Variants in NFASC observed in about 807,000 individuals in gnomAD.
NFASC encodes the protein neurofascin.
Under a neutral mutation model 147.5 loss-of-function variants are expected in NFASC, and 43 were observed. The observed-to-expected ratio is 0.29, with a 90% CI of 0.23 to 0.38. The LOEUF (loss-of-function observed/expected upper bound fraction) is 0.38. Among genes scored for constraint, NFASC ranks in the 10% least tolerant of loss-of-function variants. NFASC has a pLI of 1.00. For missense variants in NFASC, 1,320 were observed against 1,689.0 expected (o/e 0.78, Z 3.83); for synonymous variants, 622 against 665.5 (o/e 0.93, Z 1.01).
intron 20 of NFASC, 60 bp from the exon 21 acceptor site, chr1:204,981,735 AGCT>A (rs1276118409): frequency 1.9e-6 from 2 of 1,072,906 alleles, no homozygotes; most frequent in African/African-American, 3.2e-5. Context: ...AGAGAGGGCA[AGCT>A]GTGGGTGGAT....
intron 1 of NFASC, among the ~76,000 whole-genome samples, chr1:204,859,487 T>A (rs1383608723): frequency 6.6e-6 from 1 of 152,208 alleles, no homozygotes; most frequent in South Asian, 2.1e-4. Context: ...GTAAGCTCCA[T>A]GGCAGGGATT....
chr1:204,976,291 G>A, intron 15 of NFASC, among the ~76,000 whole-genome samples: 1 of 152,198 alleles, frequency 6.6e-6, no homozygotes, highest in East Asian at 1.9e-4. Flanking sequence ...GCTGAAGACA[G>A]ACAAAGCTAC....
At position 204,976,639 on chromosome 1, in the gene NFASC, C is replaced by G. The variant is rs371767541; in HGVS notation, c.1707-32C>G. 5.1e-6 allele frequency: 8 copies of G among 1,560,106 alleles called. No homozygotes were observed. The African/African-American group carries it at 5.4e-5, about 11-fold the overall frequency. On this transcript the variant is annotated intron_variant, in intron 15 of 29. Coordinates refer to ENST00000339876, the MANE Select transcript of NFASC (RefSeq NM_001005388.3). ...GCAGGACTCAGCACTCCCCTACCCC[C>G]TCCTCCCAACCCTTCCTCGGTACCT...
At chr1:204,891,094 G>A (rs1481582608) in intron 1 of NFASC, among the ~76,000 whole-genome samples, 1 of 152,200 alleles carries the variant, frequency 6.6e-6, no homozygotes, top group Admixed American at 6.5e-5. Context: ...AGAATGTAAA[G>A]GTCTCTTCCC....
intron 25 of NFASC, 64 bp from the exon 26 acceptor site, chr1:205,001,106 T>C: frequency 1.1e-6 from 1 of 907,740 alleles, no homozygotes; most frequent in Non-Finnish European, 1.8e-6. Flanking sequence ...TGTATGTGTG[T>C]GTCTCCATAT....
chr1:204,924,911 T>G (rs1205073948), intron 2 of NFASC, among the ~76,000 whole-genome samples: 1 of 152,262 alleles, frequency 6.6e-6, no homozygotes, highest in Non-Finnish European at 1.5e-5. Context: ...AGTTTTGCTC[T>G]GTCACCTAGG....
At chr1:204,845,546 G>A (rs948572985) in intron 1 of NFASC, among the ~76,000 whole-genome samples, 5 of 152,106 alleles carry the variant, frequency 3.3e-5, no homozygotes, top group Non-Finnish European at 7.4e-5. Flanking sequence ...AAAGGGAGAG[G>A]ACATTTTAAT....
intron 1 of NFASC, among the ~76,000 whole-genome samples, chr1:204,855,551 C>T (rs1178569681): frequency 1.3e-5 from 2 of 152,086 alleles, no homozygotes; most frequent in Admixed American, 1.3e-4. Flanking sequence ...GAGCACAGGG[C>T]AAGGTGTATT....
Position 204,920,720 on chromosome 1 carries a change from A to C in NFASC, c.-111A>C, listed in dbSNP as rs1457483277. The C allele has an allele frequency of 2.3e-6, 3 of 1,288,654 alleles. No individual in the cohort carries two copies. The Admixed American group carries it at 6.9e-5, about 30-fold the overall frequency. The allele number at this position is 1,288,654 out of a possible 1,614,324, so 79.8% of individuals were successfully genotyped here. A position where few individuals can be genotyped will look rare whatever the true frequency, so the allele number is the denominator to read the frequency against. On this transcript the variant is annotated 5_prime_UTR_variant, in exon 2 of 30. Coordinates refer to ENST00000339876, the MANE Select transcript of NFASC (RefSeq NM_001005388.3). The stretch of plus-strand genomic sequence containing the variant: ...AGCCTCCTCTGGTGTTGCAAGGAAG[A>C]GGCTGAATGAGGCAGAGAAGGTAAG...
Position 205,021,421 on chromosome 1 carries a change from A to G in NFASC, c.*4882A>G, listed in dbSNP as rs1184323341. On this transcript the variant is annotated 3_prime_UTR_variant, in exon 30 of 30. Coordinates refer to ENST00000339876, the MANE Select transcript of NFASC (RefSeq NM_001005388.3). ...ACTAGTATTAAATGGGTGTTCCATA[A>G]TGAGGAGAATGGAAATAGGTACAAG... is the stretch of plus-strand genomic sequence containing the variant. 6.6e-6 allele frequency: 1 copy of G among 152,660 alleles called. No homozygotes were observed. Among genetic ancestry groups the G allele is most frequent in the African/African-American group, 2.4e-5 (1 of 41,456 alleles). The allele number at this position is 152,660 out of a possible 1,614,324, so 9.5% of individuals were successfully genotyped here.
intron 8 of NFASC, chr1:204,962,022 G>A: frequency 9.5e-7 from 1 of 1,048,576 alleles, no homozygotes; most frequent in South Asian, 1.3e-5. Flanking sequence ...TGTTTTTCTG[G>A]CTTTGCATTT....
At chr1:204,908,861 A>G (rs944220738) in intron 1 of NFASC, among the ~76,000 whole-genome samples, 1 of 152,202 alleles carries the variant, frequency 6.6e-6, no homozygotes, top group African/African-American at 2.4e-5. Context: ...TTCATTCAGC[A>G]TAATTCTCTG....
rs776390175 is a variant in NFASC at position 205,016,620 on chromosome 1, C to G, written c.*81C>G. 1 of 965,752 alleles carries G rather than the reference C, an allele frequency of 1.0e-6. No individual in the cohort carries two copies. The highest frequency in any genetic ancestry group is 1.7e-6 in the Non-Finnish European group (1 of 604,950). The allele number at this position is 965,752 out of a possible 1,614,324, so 59.8% of individuals were successfully genotyped here. On this transcript the variant is annotated 3_prime_UTR_variant, in exon 30 of 30. Transcript: ENST00000339876. This position sits in a 1 kb window ranked among gnomAD's most constrained non-coding sequence, Gnocchi z 5.1. The stretch of plus-strand genomic sequence containing the variant: ...AGACAAAACCACTGCAGACCTACCA[C>G]GAAGCCACCACCACCTTCAGTAACA...
rs1352651187 is a variant in NFASC, at chr1:205,022,415, C to T, written c.*5876C>T. 1 of 151,824 alleles carries T rather than the reference C, an allele frequency of 6.6e-6. No individual in the cohort carries two copies. The highest frequency in any genetic ancestry group is 6.6e-5 in the Admixed American group (1 of 15,206). 9.4% of individuals were successfully genotyped at this position (151,824 alleles called of 1,614,324 possible). ...CCACACACCCATATCCCCCACCATT[C>T]CAATTTGTTCTTTCCCGTGGGGAAT... On this transcript the variant is annotated 3_prime_UTR_variant, in exon 30 of 30. Coordinates refer to ENST00000339876, the MANE Select transcript of NFASC (RefSeq NM_001005388.3).
At chr1:204,837,599 G>T (rs1674134416) in intron 1 of NFASC, among the ~76,000 whole-genome samples, 1 of 152,318 alleles carries the variant, frequency 6.6e-6, no homozygotes, top group South Asian at 2.1e-4. Context: ...TTTCTGAGGG[G>T]ATAGTTCCTT....
intron 1 of NFASC, among the ~76,000 whole-genome samples, chr1:204,917,269 A>G (rs1572976274): frequency 6.6e-6 from 1 of 152,212 alleles, no homozygotes; most frequent in East Asian, 1.9e-4. Flanking sequence ...GTTAGGATTA[A>G]ATGTCTATAA....
intron 21 of NFASC, chr1:204,984,355 A>ATGTG: frequency 3.9e-6 from 1 of 253,844 alleles, no homozygotes; most frequent in African/African-American, 3.0e-5. Context: ...GTATATATAT[A>ATGTG]TATGTGTGTG....
intron 24 of NFASC, among the ~76,000 whole-genome samples, chr1:204,995,624 G>A (rs1223311734): frequency 2.0e-5 from 3 of 152,026 alleles, no homozygotes; most frequent in East Asian, 1.9e-4. Flanking sequence ...GTGTGACTTC[G>A]GTGGCCAGCA....
chr1:204,923,286 C>T (rs1015335004), intron 2 of NFASC, among the ~76,000 whole-genome samples: 5 of 152,164 alleles, frequency 3.3e-5, no homozygotes, highest in African/African-American at 1.2e-4. Flanking sequence ...GAAGCCACTG[C>T]CATATGGAGC....
Sources: allele counts gnomAD v4.1 joint callset (sites outside exome capture counted in the v4.1 genomes callset), GRCh38; gene constraint gnomAD v4.1.1; non-coding constraint Gnocchi (gnomAD v3.1); transcripts MANE v1.5; gene names NCBI Gene and HGNC (gene_info 2026-07-23, HGNC 2026-07-21).